SCCPDH: variants seen among roughly 807,000 people sequenced by gnomAD.
The protein encoded by SCCPDH is saccharopine dehydrogenase-like oxidoreductase.
A neutral mutation model predicts 51.5 loss-of-function variants in SCCPDH; 34 were observed. That is an observed-to-expected ratio of 0.66 (90% CI 0.50 to 0.88). The LOEUF is 0.88. Ranked by LOEUF, SCCPDH falls within the 40% of genes least tolerant of loss-of-function variation. SCCPDH has a pLI of 0.00. For synonymous variants in SCCPDH, 187 were observed against 191.3 expected, an observed-to-expected ratio of 0.98 and a Z score of 0.19; for missense variants, 464 against 527.1, an observed-to-expected ratio of 0.88 and a Z score of 1.17.
chr1:246,727,967 T>G (rs3935011), intron 2 of SCCPDH, among the ~76,000 whole-genome samples: 1 of 151,676 alleles, frequency 6.6e-6, no homozygotes, highest in Non-Finnish European at 1.5e-5. Flanking sequence ...TGGAAGTTCT[T>G]TGGCTTCTGA....
intron 5 of SCCPDH, among the ~76,000 whole-genome samples, chr1:246,757,344 C>CAAAAAAA (rs10649597): frequency 1.2e-4 from 9 of 77,430 alleles, no homozygotes; most frequent in Non-Finnish European, 2.2e-4. Context: ...GACTCTGTCT[C>CAAAAAAA]AAAAAAAAAA....
In SCCPDH at chr1:246,759,054, G is replaced by A. The variant is rs151266325; in HGVS notation, c.716G>A (p.Arg239Gln). ...LKRRWPISYC[R>Q]ELKGYSIPFM... ...TGCAGGTGGCCAATTTCTTATTGTC[G>A]GGAACTCAAAGGTTATTCCATTCCT... Residue 239 changes from arginine to glutamine, a missense_variant, in exon 7 of 12, where the codon CGG (arginine) becomes CAG (glutamine). Transcript: ENST00000366510. The A allele has an allele frequency of 4.6e-4, 733 of 1,605,822 alleles. 2 individuals carry two copies. Among genetic ancestry groups the A allele is most frequent in the Middle Eastern group, 3.6e-3 (22 of 6,048 alleles).
chr1:246,727,786 CAG>C (rs1460413180), intron 2 of SCCPDH, among the ~76,000 whole-genome samples: 2 of 152,156 alleles, frequency 1.3e-5, no homozygotes, highest in Non-Finnish European at 2.9e-5. Context: ...AAGAGTGTGA[CAG>C]AGGCCAGTGT....
chr1:246,752,692 G>A (rs1668867182), intron 5 of SCCPDH, among the ~76,000 whole-genome samples: 1 of 152,058 alleles, frequency 6.6e-6, no homozygotes. Context: ...ACCTTGGGAT[G>A]AATGTGTTCT....
chr1:246,765,668 C>T (rs1175342208), intron 10 of SCCPDH, among the ~76,000 whole-genome samples: 2 of 152,080 alleles, frequency 1.3e-5, no homozygotes, highest in Admixed American at 6.5e-5. Flanking sequence ...AACCTAGGAT[C>T]ATTGGCTTCA....
intron 2 of SCCPDH, among the ~76,000 whole-genome samples, chr1:246,731,974 T>C (rs781437788): frequency 6.6e-6 from 1 of 152,102 alleles, no homozygotes; most frequent in Non-Finnish European, 1.5e-5. Context: ...TTTGGTTTTC[T>C]GTCCTTGTGA....
chr1:246,727,872 G>T (rs191298332), intron 2 of SCCPDH, among the ~76,000 whole-genome samples: 19 of 152,280 alleles, frequency 1.2e-4, no homozygotes, highest in African/African-American at 3.9e-4. Flanking sequence ...GATCTTACGG[G>T]CCATGGCCAG....
At chr1:246,726,078 C>T (rs1034264502) in intron 1 of SCCPDH, among the ~76,000 whole-genome samples, 1 of 151,922 alleles carries the variant, frequency 6.6e-6, no homozygotes, top group Non-Finnish European at 1.5e-5. Flanking sequence ...AGGATGGTCT[C>T]GATCTGCTGA....
Position 246,744,139 on chromosome 1 carries a change from T to C in SCCPDH, c.564+14T>C. ...TCAGGACCTGAGGTTGGTTTTTTGGTTTGTCTTGTGTTGTTTCAAGTTAAT... is the reference window on the plus strand; with the variant it reads ...TCAGGACCTGAGGTTGGTTTTTTGGCTTGTCTTGTGTTGTTTCAAGTTAAT... On this transcript the variant is annotated intron_variant, in intron 5 of 11. Coordinates refer to ENST00000366510, the MANE Select transcript of SCCPDH (RefSeq NM_016002.3). 1.3e-6 allele frequency: 2 copies of C among 1,554,236 alleles called. No individual in the cohort carries two copies. The highest frequency in any genetic ancestry group is 1.8e-6 in the Non-Finnish European group (2 of 1,128,862).
At chr1:246,730,885 C>T (rs189678999) in intron 2 of SCCPDH, among the ~76,000 whole-genome samples, 144 of 152,090 alleles carry the variant, frequency 9.5e-4, no homozygotes, top group Non-Finnish European at 1.5e-3. Flanking sequence ...ATGGTGAAAC[C>T]CTGTCTCTAC....
rs1212104212 is a variant in SCCPDH at position 246,724,464 on chromosome 1, C to T, written c.42C>T (p.Gly14=). 2 of 1,590,620 alleles carry T rather than the reference C, an allele frequency of 1.3e-6. No homozygotes were observed. Among genetic ancestry groups the T allele is most frequent in the East Asian group, 2.4e-5 (1 of 42,480 alleles). Reference sequence around the variant, plus strand: ...GGCCTTTCCACCTGGTGGTGTTCGGCGCGTCTGGCTTCACCGGCCAGTTCG... The same window carrying T: ...GGCCTTTCCACCTGGTGGTGTTCGGTGCGTCTGGCTTCACCGGCCAGTTCG... The part of the protein sequence containing the change: ...EQRPFHLVVF[G]ASGFTGQFVT... The change falls in exon 1 of 12, where the codon GGC becomes GGT. Residue 14 remains glycine, a synonymous_variant. Transcript: ENST00000366510.
intron 2 of SCCPDH, among the ~76,000 whole-genome samples, chr1:246,732,968 C>T (rs1668513831): frequency 6.6e-6 from 1 of 152,214 alleles, no homozygotes; most frequent in African/African-American, 2.4e-5. Flanking sequence ...ACACTCTAGA[C>T]CACTCTGCTG....
chr1:246,730,190 G>A (rs1236576764), intron 2 of SCCPDH, among the ~76,000 whole-genome samples: 1 of 152,030 alleles, frequency 6.6e-6, no homozygotes, highest in Non-Finnish European at 1.5e-5. Flanking sequence ...TTGGGCTTTT[G>A]TTTTCCTCCC....
intron 4 of SCCPDH, among the ~76,000 whole-genome samples, chr1:246,741,113 AAAAC>A (rs995484459): frequency 1.3e-5 from 2 of 152,050 alleles, no homozygotes; most frequent in African/African-American, 4.8e-5. Context: ...CAAAAAAACA[AAAAC>A]AAAAAACAAA....
At chr1:246,757,069 C>T (rs551254072) in intron 5 of SCCPDH, among the ~76,000 whole-genome samples, 36 of 152,146 alleles carry the variant, frequency 2.4e-4, no homozygotes, top group Non-Finnish European at 4.3e-4. Flanking sequence ...CTAGGCCGGG[C>T]GCGGTGGCTC....
In SCCPDH at chr1:246,725,415, G is replaced by A. The variant is rs1414986273; in HGVS notation, c.190+803G>A. Among the ~76,000 whole-genome samples the A allele has an allele frequency of 3.9e-5, 6 of 152,144 alleles. No homozygotes were observed. In the South Asian group the frequency reaches 1.2e-3, roughly 32 times the overall value. On this transcript the variant is annotated intron_variant, in intron 1 of 11. Transcript: ENST00000366510. ...TGGGACAGAGAGGAGACAGACACAC[G>A]GATCCTGCTGCCTTCATGGCTGGGG...
chr1:246,739,928 A>G lies in SCCPDH; in HGVS notation c.385-244A>G, dbSNP rs76940901. ...AATAGGCATTACTTTTATATTTAAA[A>G]GTCATTCTAAAAAAATTAAGTGTCA... On this transcript the variant is annotated intron_variant, in intron 3 of 11. Coordinates refer to ENST00000366510, the MANE Select transcript of SCCPDH (RefSeq NM_016002.3). Among the ~76,000 whole-genome samples, 3,450 of 152,188 alleles carry G rather than the reference A, an allele frequency of 0.023. 149 individuals carry two copies. The highest frequency in any genetic ancestry group is 0.077 in the African/African-American group (3,215 of 41,508).
intron 5 of SCCPDH, among the ~76,000 whole-genome samples, chr1:246,752,988 C>T (rs879654753): frequency 1.3e-5 from 2 of 151,068 alleles, no homozygotes; most frequent in Non-Finnish European, 2.9e-5. Context: ...TCTCTCTCTC[C>T]GCCTCTCTGT....
rs1558176212 is a variant in SCCPDH at position 246,766,038 on chromosome 1, TG to T, written c.1103-19del. On this transcript the variant is annotated intron_variant, in intron 10 of 11. Coordinates refer to ENST00000366510, the MANE Select transcript of SCCPDH (RefSeq NM_016002.3). ...ACTTCATGATTCCTTTCTTTTTCCC[TG>T]ATCAACTGTTTTCTGCAGAGGCTGG... 6 of 1,550,276 alleles carry T rather than the reference TG, an allele frequency of 3.9e-6. No homozygotes were observed. In the African/African-American group the frequency reaches 5.5e-5, roughly 14 times the overall value.
Sources: gnomAD v4.1 joint callset for allele counts (sites outside exome capture counted in the v4.1 genomes callset) on GRCh38, gnomAD v4.1.1 for gene constraint, MANE v1.5 for transcripts, NCBI Gene and HGNC (gene_info 2026-07-23, HGNC 2026-07-21) for gene names.